The following ZSWIM6 variants were observed in gnomAD, a reference collection of about 807,000 sequenced individuals.
ZSWIM6 encodes the protein zinc finger SWIM domain-containing protein 6.
A neutral mutation model predicts 113.2 loss-of-function variants in ZSWIM6; 9 were observed. The ratio of observed to expected loss-of-function variants is 0.08; its 90% confidence interval spans 0.05 to 0.14. The LOEUF (loss-of-function observed/expected upper bound fraction) is 0.14, where lower values mean the gene tolerates loss of function less well. Among genes scored for constraint, ZSWIM6 ranks in the 10% least tolerant of loss-of-function variants. The pLI, the probability that ZSWIM6 is intolerant of heterozygous loss-of-function variation, is 1.00. For synonymous variants in ZSWIM6, 611 were observed against 606.5 expected (o/e 1.01, Z -0.11); for missense variants, 1,162 against 1,552.2 (o/e 0.75, Z 4.22).
At chr5:61,369,853 G>GT (rs1461566270) in intron 1 of ZSWIM6, among the ~76,000 whole-genome samples, 3 of 152,130 alleles carry the variant, frequency 2.0e-5, no homozygotes, top group Non-Finnish European at 4.4e-5. Context: ...AATGATGTTA[G>GT]TTTTTTAGAT....
chr5:61,365,396 G>A (rs1274658550), intron 1 of ZSWIM6, among the ~76,000 whole-genome samples: 3 of 151,856 alleles, frequency 2.0e-5, no homozygotes, highest in Non-Finnish European at 4.4e-5. Flanking sequence ...TCAGCTTCTT[G>A]GATAGGGAAT....
intron 1 of ZSWIM6, among the ~76,000 whole-genome samples, chr5:61,418,633 A>G (rs900505309): frequency 5.3e-5 from 8 of 152,092 alleles, no homozygotes; most frequent in African/African-American, 1.9e-4. Context: ...CACAGAAACA[A>G]ATGTTTCCAA....
intron 9 of ZSWIM6, among the ~76,000 whole-genome samples, chr5:61,533,640 CT>C (rs1250502424): frequency 4.6e-5 from 7 of 152,074 alleles, no homozygotes; most frequent in Admixed American, 6.6e-5. Context: ...TATCCTGGAT[CT>C]CCTGAATAGT....
chr5:61,501,182 TAAAACTC>T (rs1334375759), intron 4 of ZSWIM6, among the ~76,000 whole-genome samples: 18 of 152,166 alleles, frequency 1.2e-4, no homozygotes, highest in Admixed American at 1.1e-3. Flanking sequence ...TTCTGTCTCT[TAAAACTC>T]AGAACTCTGT....
At chr5:61,469,708 C>G (rs1345267707) in intron 1 of ZSWIM6, among the ~76,000 whole-genome samples, 5 of 147,840 alleles carry the variant, frequency 3.4e-5, no homozygotes, top group Admixed American at 2.7e-4. Context: ...TCCCCCCAAC[C>G]TTTTTTTTTT....
intron 1 of ZSWIM6, among the ~76,000 whole-genome samples, chr5:61,384,553 T>G (rs1302821733): frequency 6.6e-6 from 1 of 152,136 alleles, no homozygotes; most frequent in Non-Finnish European, 1.5e-5. Flanking sequence ...GTTTAGAAAG[T>G]GTGAAGATGG....
At chr5:61,427,363 TATA>T (rs1746483087) in intron 1 of ZSWIM6, among the ~76,000 whole-genome samples, 1 of 152,366 alleles carries the variant, frequency 6.6e-6, no homozygotes, top group Admixed American at 6.5e-5. Flanking sequence ...CTGGGTTACT[TATA>T]ATACCTAATA....
intron 1 of ZSWIM6, among the ~76,000 whole-genome samples, chr5:61,417,395 A>G (rs1287256338): frequency 6.6e-6 from 1 of 152,190 alleles, no homozygotes; most frequent in African/African-American, 2.4e-5. Context: ...GGATTTTTTT[A>G]GTATAAATAG....
In ZSWIM6 at chr5:61,375,794, A is replaced by G. The variant is rs1420529623; in HGVS notation, c.676+42846A>G. The G allele has an allele frequency of 1.8e-5, 26 of 1,434,416 alleles. No individual in the cohort carries two copies. In the East Asian group the frequency reaches 4.7e-4, roughly 26 times the overall value. The allele number at this position is 1,434,416 out of a possible 1,614,324, so 88.9% of individuals were successfully genotyped here. A position where few individuals can be genotyped will look rare whatever the true frequency, so the allele number is the denominator to read the frequency against. ...GAAAAAACAAAAAAGAAAAAGAAGC[A>G]TAAGAAACACAGTAAGAAGAAGAAA... On this transcript the variant is annotated intron_variant, in intron 1 of 13. Coordinates refer to ENST00000252744, the MANE Select transcript of ZSWIM6 (RefSeq NM_020928.2).
chr5:61,375,100 C>G, intron 1 of ZSWIM6: 1 of 1,606,824 alleles, frequency 6.2e-7, no homozygotes, highest in Non-Finnish European at 8.5e-7. Context: ...ACTGTGCGCG[C>G]GATCCAGCAC....
In ZSWIM6 at chr5:61,491,961, A is replaced by G. The variant is rs920570997; in HGVS notation, c.1182+1027A>G. On this transcript the variant is annotated intron_variant, in intron 3 of 13. Transcript: ENST00000252744. ...CAAATTTCCCCAGAATTAGATTACAATAAAATACATTTAACTCTAATACTA... is the reference window on the plus strand; with the variant it reads ...CAAATTTCCCCAGAATTAGATTACAGTAAAATACATTTAACTCTAATACTA... Among the ~76,000 whole-genome samples, 17 of 152,068 alleles carry G rather than the reference A, an allele frequency of 1.1e-4. 1 individual carries two copies. Among genetic ancestry groups the G allele is most frequent in the African/African-American group, 3.6e-4 (15 of 41,444 alleles).
intron 3 of ZSWIM6, 84 bp downstream of exon 3, chr5:61,491,018 TAA>T: frequency 7.8e-7 from 1 of 1,274,688 alleles, no homozygotes. Context: ...TACAATAGGA[TAA>T]AGACTTTTAA....
At chr5:61,467,094 TC>T (rs1316123583) in intron 1 of ZSWIM6, among the ~76,000 whole-genome samples, 3 of 152,218 alleles carry the variant, frequency 2.0e-5, no homozygotes, top group Non-Finnish European at 4.4e-5. Context: ...AAGAGTTCTT[TC>T]TTCCGCCTGT....
At chr5:61,333,163 G>A (rs1744304247) in intron 1 of ZSWIM6, among the ~76,000 whole-genome samples, 2 of 151,900 alleles carry the variant, frequency 1.3e-5, no homozygotes, top group Admixed American at 1.3e-4. Flanking sequence ...AGCGCGAGTG[G>A]GAAATGAATC....
chr5:61,426,567 T>C (rs192557516), intron 1 of ZSWIM6, among the ~76,000 whole-genome samples: 3 of 152,356 alleles, frequency 2.0e-5, no homozygotes, highest in African/African-American at 7.2e-5. Context: ...TCTGTTCATA[T>C]TCCAGTTTTG....
intron 1 of ZSWIM6, among the ~76,000 whole-genome samples, chr5:61,365,241 G>A (rs1404272902): frequency 1.3e-5 from 2 of 151,904 alleles, no homozygotes; most frequent in South Asian, 2.1e-4. Context: ...AGTCCCAGCT[G>A]TTTGGGAGGC....
At chr5:61,465,304 A>C (rs1331539103) in intron 1 of ZSWIM6, among the ~76,000 whole-genome samples, 2 of 152,158 alleles carry the variant, frequency 1.3e-5, no homozygotes, top group African/African-American at 4.8e-5. Context: ...TGTTTCCCTT[A>C]AGTATGCAAG....
At chr5:61,367,554 G>A (rs1302204561) in intron 1 of ZSWIM6, among the ~76,000 whole-genome samples, 1 of 152,128 alleles carries the variant, frequency 6.6e-6, no homozygotes, top group Non-Finnish European at 1.5e-5. Context: ...AGGTCCTTAC[G>A]TGCCTTTTGT....
In ZSWIM6 at chr5:61,332,626, G is replaced by A; in HGVS notation, c.354G>A (p.Glu118=). 8.0e-7 allele frequency: 1 copy of A among 1,253,104 alleles called. No homozygotes were observed. The highest frequency in any genetic ancestry group is 1.0e-6 in the Non-Finnish European group (1 of 964,484). 77.6% of individuals were successfully genotyped at this position (1,253,104 alleles called of 1,614,324 possible). The change falls in exon 1 of 14, where the codon GAG becomes GAA. Residue 118 remains glutamate (E), a synonymous_variant. Transcript: ENST00000252744. The stretch of plus-strand genomic sequence containing the variant: ...TCTATTGGTCCTTCCCCCGCAGCGA[G>A]CGGGAGATCTGCATGTACTCGTCCT... ...RIVYWSFPRS[E]REICMYSSFN...
Sources: gnomAD v4.1 joint callset for allele counts (sites outside exome capture counted in the v4.1 genomes callset) on GRCh38, gnomAD v4.1.1 for gene constraint, MANE v1.5 for transcripts, NCBI Gene and HGNC (gene_info 2026-07-23, HGNC 2026-07-21) for gene names.